DNAH14: variants seen among roughly 807,000 people sequenced by gnomAD.
DNAH14 encodes dynein axonemal heavy chain 14, also known as axonemal beta dynein heavy chain 14.
DNAH14 carries 478 observed loss-of-function variants against 520.9 expected under a neutral mutation model. The observed-to-expected ratio is 0.92, with a 90% CI of 0.85 to 0.99. DNAH14 has a LOEUF of 0.99. Among genes scored for constraint, DNAH14 ranks in the 50% least tolerant of loss-of-function variants. DNAH14 has a pLI of 0.00. For missense variants in DNAH14, 4,831 were observed against 5,234.5 expected (o/e 0.92, Z 2.38); for synonymous variants, 1,581 against 1,757.2 (o/e 0.90, Z 2.51).
At chr1:225,175,194 A>C (rs1270769578) in intron 36 of DNAH14, among the ~76,000 whole-genome samples, 1 of 152,170 alleles carries the variant, frequency 6.6e-6, no homozygotes, top group East Asian at 1.9e-4. Context: ...TTCATAGAAC[A>C]CATTGGGAAT....
intron 71 of DNAH14, among the ~76,000 whole-genome samples, chr1:225,349,526 A>G (rs1377780337): frequency 6.6e-6 from 1 of 152,222 alleles, no homozygotes; most frequent in East Asian, 1.9e-4. Context: ...ATTAATTTAA[A>G]AAACAGTATC....
chr1:225,347,732 G>A (rs1018335573), intron 71 of DNAH14, among the ~76,000 whole-genome samples: 2 of 152,078 alleles, frequency 1.3e-5, no homozygotes, highest in African/African-American at 4.8e-5. Flanking sequence ...TCCCCTGCAC[G>A]AAGCCAATAC....
At chr1:225,179,502 A>G (rs1003797114) in intron 36 of DNAH14, among the ~76,000 whole-genome samples, 4 of 152,244 alleles carry the variant, frequency 2.6e-5, no homozygotes, top group African/African-American at 7.2e-5. Context: ...ACTCCACATT[A>G]TAACTCCATC....
chr1:225,023,375 T>C (rs913154680), intron 10 of DNAH14, among the ~76,000 whole-genome samples: 1 of 151,804 alleles, frequency 6.6e-6, no homozygotes, highest in Non-Finnish European at 1.5e-5. Context: ...TTTTTTTTTT[T>C]TCCTCTGTCC....
At chr1:225,093,035 C>T (rs542132419) in intron 21 of DNAH14, among the ~76,000 whole-genome samples, 44 of 151,180 alleles carry the variant, frequency 2.9e-4, no homozygotes, top group African/African-American at 1.1e-3. Flanking sequence ...TAATAAAAAG[C>T]TCAAGAATAG....
chr1:225,161,011 T>C (rs1218001977), intron 35 of DNAH14, among the ~76,000 whole-genome samples: 1 of 152,212 alleles, frequency 6.6e-6, no homozygotes, highest in African/African-American at 2.4e-5. Flanking sequence ...AAATTCCCTC[T>C]AAGTGCTGCT....
intron 8 of DNAH14, among the ~76,000 whole-genome samples, chr1:224,985,717 TAATC>T (rs138005196): frequency 0.15 from 22,784 of 151,684 alleles, 3,128 homozygotes; most frequent in African/African-American, 0.36. Flanking sequence ...CAAATTGAAA[TAATC>T]AAAAAGAAGC....
At chr1:224,952,903 C>A in intron 2 of DNAH14, 124 bp downstream of exon 2, 2 of 651,696 alleles carry the variant, frequency 3.1e-6, no homozygotes, top group Non-Finnish European at 4.7e-6. Context: ...ATTGATGATT[C>A]TAGAGTTTAG....
At chr1:225,323,826 G>GT (rs557911930) in intron 62 of DNAH14, among the ~76,000 whole-genome samples, 229 of 148,846 alleles carry the variant, frequency 1.5e-3, no homozygotes, top group Non-Finnish European at 2.4e-3. Flanking sequence ...GTTAATTTTT[G>GT]TTTTTTTTTA....
chr1:225,146,816 ATC>A (rs2079991331), intron 30 of DNAH14, among the ~76,000 whole-genome samples: 1 of 152,174 alleles, frequency 6.6e-6, no homozygotes. Context: ...GATCTGGTAC[ATC>A]TCTGTGCAAT....
chr1:225,078,859 CCTCTCTCTCTCTCT>C lies in DNAH14; in HGVS notation c.2425-322_2425-309del, dbSNP rs752732306. 3.1e-3 allele frequency among the ~76,000 whole-genome samples: 59 copies of C among 18,996 alleles called. 2 individuals are homozygous for C. Among genetic ancestry groups the C allele is most frequent in the Middle Eastern group, 0.036 (1 of 28 alleles). The allele number at this position is 18,996 out of a possible 152,430, so 12.5% of individuals were successfully genotyped here. ...CTCTCTCTCCCTCTCTCTCTCTCTC[CCTCTCTCTCTCTCT>C]CTCTCTCTCTCTCTCTCTCTCTCTC... On this transcript the variant is annotated intron_variant, in intron 17 of 85. Transcript: ENST00000682510.
At chr1:225,317,844 T>A (rs1343616514) in intron 60 of DNAH14, among the ~76,000 whole-genome samples, 1 of 152,192 alleles carries the variant, frequency 6.6e-6, no homozygotes, top group Non-Finnish European at 1.5e-5. Flanking sequence ...TGCCAGATCC[T>A]ATAGGACAAG....
intron 38 of DNAH14, among the ~76,000 whole-genome samples, chr1:225,201,810 T>A (rs575825773): frequency 6.6e-6 from 1 of 152,104 alleles, no homozygotes; most frequent in Non-Finnish European, 1.5e-5. Flanking sequence ...TTACCTTTCA[T>A]TGTTTAATGC....
At chr1:225,047,074 G>C (rs2068032762) in intron 15 of DNAH14, among the ~76,000 whole-genome samples, 1 of 152,154 alleles carries the variant, frequency 6.6e-6, no homozygotes, top group African/African-American at 2.4e-5. Flanking sequence ...CATTGCTACA[G>C]GAGTGTCACT....
intron 55 of DNAH14, among the ~76,000 whole-genome samples, chr1:225,293,072 AG>A (rs1238937872): frequency 6.6e-6 from 1 of 152,186 alleles, no homozygotes; most frequent in Non-Finnish European, 1.5e-5. Flanking sequence ...TATGTTAAAA[AG>A]CTCAACATCA....
At chr1:225,201,683 G>A (rs572987696) in intron 38 of DNAH14, among the ~76,000 whole-genome samples, 2 of 152,202 alleles carry the variant, frequency 1.3e-5, no homozygotes, top group South Asian at 2.1e-4. Flanking sequence ...GGCTGGTACC[G>A]GGGGTTGTCT....
intron 60 of DNAH14, among the ~76,000 whole-genome samples, chr1:225,308,836 G>T (rs1018557055): frequency 6.6e-6 from 1 of 152,100 alleles, no homozygotes; most frequent in Admixed American, 6.5e-5. Context: ...CATTCCAGTC[G>T]GGTTCTTAGC....
At chr1:225,159,223 C>T in intron 34 of DNAH14, 91 bp from the exon 35 acceptor site, 1 of 1,047,300 alleles carries the variant, frequency 9.5e-7, no homozygotes, top group Non-Finnish European at 1.4e-6. Flanking sequence ...TTGGGATAGC[C>T]ACCCCTAAAA....
intron 10 of DNAH14, among the ~76,000 whole-genome samples, chr1:225,010,495 G>C (rs1221130243): frequency 6.6e-6 from 1 of 152,046 alleles, no homozygotes; most frequent in Non-Finnish European, 1.5e-5. Flanking sequence ...GATTCGGTTT[G>C]CCAATATTTT....
Sources: allele counts gnomAD v4.1 joint callset (sites outside exome capture counted in the v4.1 genomes callset), GRCh38; gene constraint gnomAD v4.1.1; transcripts MANE v1.5; gene names NCBI Gene and HGNC (gene_info 2026-07-23, HGNC 2026-07-21).